ST6GALNAC3: variants seen among roughly 807,000 people sequenced by gnomAD.
ST6GALNAC3 encodes the protein ST6 N-acetylgalactosaminide alpha-2,6-sialyltransferase 3.
In ST6GALNAC3, 25 loss-of-function variants were observed where a neutral mutation model predicts 32.7. The observed-to-expected ratio is 0.76, with a 90% CI of 0.56 to 1.07. ST6GALNAC3 has a LOEUF of 1.07. Among genes scored for constraint, ST6GALNAC3 ranks in the 50% least tolerant of loss-of-function variants. The pLI, the probability that ST6GALNAC3 is intolerant of heterozygous loss-of-function variation, is 0.00. For missense variants in ST6GALNAC3, 355 were observed against 382.4 expected (o/e 0.93, Z 0.60); for synonymous variants, 129 against 133.1 (o/e 0.97, Z 0.21).
chr1:76,621,001 G>T (rs539505627), intron 3 of ST6GALNAC3, among the ~76,000 whole-genome samples: 1 of 151,304 alleles, frequency 6.6e-6, no homozygotes, highest in South Asian at 2.1e-4. Flanking sequence ...AATGAACAAA[G>T]AAATTTTTCT....
At chr1:76,517,151 T>C (rs923000640) in intron 3 of ST6GALNAC3, among the ~76,000 whole-genome samples, 2 of 151,874 alleles carry the variant, frequency 1.3e-5, no homozygotes, top group African/African-American at 2.4e-5. Flanking sequence ...GGATTTTGAT[T>C]GAAATTTTAT....
At chr1:76,324,426 T>C (rs6664579) in intron 2 of ST6GALNAC3, among the ~76,000 whole-genome samples, 9,424 of 152,190 alleles carry the variant, frequency 0.062, 387 homozygotes, top group Non-Finnish European at 0.09. Context: ...TAGTGACAAA[T>C]GGTGTTGGTA....
intron 3 of ST6GALNAC3, among the ~76,000 whole-genome samples, chr1:76,453,131 C>T (rs1657528407): frequency 6.6e-6 from 1 of 152,076 alleles, no homozygotes; most frequent in South Asian, 2.1e-4. Context: ...TGATATCTTC[C>T]ATTCCATTTC....
At chr1:76,274,865 A>G (rs893916134) in intron 1 of ST6GALNAC3, among the ~76,000 whole-genome samples, 5 of 152,232 alleles carry the variant, frequency 3.3e-5, no homozygotes, top group African/African-American at 1.2e-4. Context: ...ACTCAAATTC[A>G]GGGAATGTCG....
chr1:76,577,081 G>A, intron 3 of ST6GALNAC3: 1 of 1,088,030 alleles, frequency 9.2e-7, no homozygotes, highest in Non-Finnish European at 1.1e-6. Context: ...CAGGTATGAT[G>A]GTTACAGTTT....
At chr1:76,543,316 A>C (rs1664103083) in intron 3 of ST6GALNAC3, among the ~76,000 whole-genome samples, 1 of 152,182 alleles carries the variant, frequency 6.6e-6, no homozygotes, top group Admixed American at 6.5e-5. Context: ...CAATATAACA[A>C]TCCAAGTGCT....
At chr1:76,110,895 G>C (rs1175943962) in intron 1 of ST6GALNAC3, among the ~76,000 whole-genome samples, 1 of 152,166 alleles carries the variant, frequency 6.6e-6, no homozygotes, top group African/African-American at 2.4e-5. Context: ...CCAAAAAAGA[G>C]ATGATTAATC....
intron 3 of ST6GALNAC3, among the ~76,000 whole-genome samples, chr1:76,594,686 T>C (rs550079386): frequency 1.2e-4 from 18 of 152,302 alleles, no homozygotes; most frequent in African/African-American, 4.1e-4. Context: ...AGCTGCTCCT[T>C]TGGGCTCTTT....
intron 2 of ST6GALNAC3, among the ~76,000 whole-genome samples, chr1:76,352,364 CT>C (rs35217803): frequency 0.46 from 67,822 of 146,374 alleles, 16,355 homozygotes; most frequent in African/African-American, 0.63. Context: ...CTATTTCCTC[CT>C]TTTTTTTTTT....
intron 1 of ST6GALNAC3, among the ~76,000 whole-genome samples, chr1:76,139,508 T>G (rs1650181053): frequency 6.6e-6 from 1 of 152,206 alleles, no homozygotes; most frequent in African/African-American, 2.4e-5. Context: ...ATTTGCTCCT[T>G]GGCCTTTATC....
intron 3 of ST6GALNAC3, among the ~76,000 whole-genome samples, chr1:76,506,817 CA>C (rs1357302010): frequency 3.3e-5 from 5 of 152,146 alleles, no homozygotes; most frequent in African/African-American, 1.2e-4. Context: ...GTCACCTCTC[CA>C]TGTAGGGAAG....
intron 1 of ST6GALNAC3, among the ~76,000 whole-genome samples, chr1:76,176,794 G>C (rs1456104424): frequency 6.6e-6 from 1 of 152,214 alleles, no homozygotes; most frequent in Non-Finnish European, 1.5e-5. Context: ...TAATGGAGGG[G>C]AATGGAAAGT....
intron 2 of ST6GALNAC3, among the ~76,000 whole-genome samples, chr1:76,349,329 C>CTCTGGAGGACAGCTCATCT (rs1648787946): frequency 1.3e-5 from 2 of 152,176 alleles, no homozygotes; most frequent in Non-Finnish European, 2.9e-5. Context: ...GAGGAGACCA[C>CTCTGGAGGACAGCTCATCT]TCTGGAGGAC....
intron 3 of ST6GALNAC3, among the ~76,000 whole-genome samples, chr1:76,487,458 C>T (rs970643290): frequency 2.6e-5 from 4 of 152,160 alleles, no homozygotes; most frequent in Admixed American, 6.5e-5. Flanking sequence ...CCTCTCTTCT[C>T]GCTTCATTTC....
intron 1 of ST6GALNAC3, among the ~76,000 whole-genome samples, chr1:76,157,502 T>A (rs1651531445): frequency 6.6e-6 from 1 of 152,252 alleles, no homozygotes; most frequent in African/African-American, 2.4e-5. Context: ...TTATTTTGCC[T>A]TAGTTTTACA....
intron 3 of ST6GALNAC3, among the ~76,000 whole-genome samples, chr1:76,592,483 T>C (rs1570390787): frequency 6.6e-6 from 1 of 152,052 alleles, no homozygotes; most frequent in African/African-American, 2.4e-5. Flanking sequence ...GGTGCATGGG[T>C]GTATGCATGA....
chr1:76,139,237 C>T (rs1416364525), intron 1 of ST6GALNAC3, among the ~76,000 whole-genome samples: 1 of 151,936 alleles, frequency 6.6e-6, no homozygotes, highest in Non-Finnish European at 1.5e-5. Flanking sequence ...CACATACATG[C>T]ACAATCACAC....
intron 1 of ST6GALNAC3, among the ~76,000 whole-genome samples, chr1:76,210,046 TTTTTTTTTCTTTTC>T (rs1054224844): frequency 5.9e-5 from 9 of 151,890 alleles, no homozygotes; most frequent in African/African-American, 2.2e-4. Flanking sequence ...GAGCTGCGTT[TTTTTTTTTCTTTTC>T]TTTTTTTCTT....
At chr1:76,636,789 A>G (rs997675049), downstream of ST6GALNAC3, 6 of 152,188 alleles carry the variant, frequency 3.9e-5, no homozygotes, top group African/African-American at 1.4e-4. Flanking sequence ...GCATGTTAGC[A>G]TATAAATTTT....
Sources: gnomAD v4.1 joint callset for allele counts (sites outside exome capture counted in the v4.1 genomes callset) on GRCh38, gnomAD v4.1.1 for gene constraint, MANE v1.5 for transcripts, NCBI Gene and HGNC (gene_info 2026-07-23, HGNC 2026-07-21) for gene names.